Variants in CDH23 observed in about 807,000 individuals in gnomAD.
CDH23 encodes cadherin related 23, also known as cadherin-23.
A neutral mutation model predicts 317.1 loss-of-function variants in CDH23; 189 were observed. That is an observed-to-expected ratio of 0.60 (90% CI 0.53 to 0.67). The LOEUF is 0.67. Ranked by LOEUF, CDH23 falls within the 30% of genes least tolerant of loss-of-function variation. The pLI is 0.00. For missense variants in CDH23, 4,401 were observed against 4,592.4 expected, an observed-to-expected ratio of 0.96 and a Z score of 1.20; for synonymous variants, 1,839 against 1,876.8, an observed-to-expected ratio of 0.98 and a Z score of 0.52.
chr10:71,528,621 A>G (rs1251278109), intron 6 of CDH23, among the ~76,000 whole-genome samples: 2 of 152,266 alleles, frequency 1.3e-5, no homozygotes, highest in African/African-American at 4.8e-5. Context: ...CCAGCGCGAT[A>G]GGAGTGATTG....
chr10:71,692,362 C>T (rs75563817), intron 20 of CDH23, among the ~76,000 whole-genome samples: 2,975 of 152,308 alleles, frequency 0.02, 46 homozygotes, highest in Non-Finnish European at 0.033. Flanking sequence ...TGCCTTAACA[C>T]GACTTTGTCT....
rs567619520 is a variant in CDH23, at chr10:71,793,584, A to T, written c.6656A>T (p.Asp2219Val). 1.2e-6 allele frequency: 2 copies of T among 1,610,448 alleles called. No individual in the cohort carries two copies. Among genetic ancestry groups the T allele is most frequent in the East Asian group, 4.5e-5 (2 of 44,806 alleles). ...YHIVGIVAKD[D>V]TDRLVPNQED... The stretch of plus-strand genomic sequence containing the variant: ...ATTGTCGGCATTGTGGCCAAGGACG[A>T]CACTGATCGCCTGGTGCCCAACCAG... The change falls in exon 48 of 70, where the codon GAC becomes GTC. Residue 2219 changes from aspartate to valine, a missense_variant. Coordinates refer to ENST00000224721, the MANE Select transcript of CDH23 (RefSeq NM_022124.6).
intron 9 of CDH23, among the ~76,000 whole-genome samples, chr10:71,593,935 G>A (rs574032422): frequency 3.9e-5 from 6 of 152,244 alleles, no homozygotes; most frequent in Admixed American, 2.6e-4. Context: ...CCTGGGCAAC[G>A]GAGTAAGGCC....
chr10:71,415,416 C>G lies in CDH23; in HGVS notation c.-6+18098C>G, dbSNP rs116535201. Among the ~76,000 whole-genome samples, 426 of 152,272 alleles carry G rather than the reference C, an allele frequency of 2.8e-3. 2 individuals carry two copies. Among genetic ancestry groups the G allele is most frequent in the African/African-American group, 9.6e-3 (400 of 41,550 alleles). ...CCATCCGTCTCATTTTCTTTGTCAT[C>G]TTATTGATCACTGGATTAATCAATT... On this transcript the variant is annotated intron_variant, in intron 1 of 69. Transcript: ENST00000224721.
chr10:71,679,124 C>T (rs1262129529), intron 16 of CDH23, among the ~76,000 whole-genome samples: 1 of 152,146 alleles, frequency 6.6e-6, no homozygotes, highest in Non-Finnish European at 1.5e-5. Context: ...GCGCCTCCCA[C>T]CTGCCCTCTA....
chr10:71,741,987 G>A, intron 38 of CDH23, 66 bp downstream of exon 38: 1 of 1,252,476 alleles, frequency 8.0e-7, no homozygotes. Flanking sequence ...CCGAGTGAGG[G>A]GAACAAGATG....
chr10:71,728,410 C>T (rs1186308839), intron 30 of CDH23, among the ~76,000 whole-genome samples: 1 of 152,100 alleles, frequency 6.6e-6, no homozygotes, highest in Non-Finnish European at 1.5e-5. Flanking sequence ...GCCTCTCTGC[C>T]CCCAGCCCTG....
At chr10:71,742,301 C>T (rs1839758681) in intron 38 of CDH23, among the ~76,000 whole-genome samples, 1 of 152,206 alleles carries the variant, frequency 6.6e-6, no homozygotes, top group Non-Finnish European at 1.5e-5. Flanking sequence ...TGAGGTCACA[C>T]CAATGTGCAT....
At chr10:71,570,702 G>A (rs1857734924) in intron 7 of CDH23, 88 bp from the exon 8 acceptor site, 5 of 1,470,426 alleles carry the variant, frequency 3.4e-6, no homozygotes, top group Non-Finnish European at 4.6e-6. Flanking sequence ...GTGCTGCACG[G>A]TGCAGGTCTG....
chr10:71,617,313 G>A lies in CDH23; in HGVS notation c.1054G>A (p.Glu352Lys), dbSNP rs548207248. The A allele has an allele frequency of 3.0e-5, 49 of 1,613,938 alleles. No homozygotes were observed. The highest frequency in any genetic ancestry group is 2.0e-4 in the African/African-American group (15 of 75,022). The stretch of plus-strand genomic sequence containing the variant: ...CAATGCCCCGGAGTTCAACAGCTCC[G>A]AGTACAGCGTGGCCATCACTGAGCT... ...NDNAPEFNSSEYSVAITELAQ... is the reference protein window; with the variant it reads ...NDNAPEFNSSKYSVAITELAQ... The change falls in exon 11 of 70, where the codon GAG becomes AAG. Residue 352 changes from glutamate to lysine, a missense_variant. Glu to Lys is a moderately conservative substitution (Grantham distance 56). Around this residue, in one of 3 missense-constraint regions of CDH23, gnomAD observed 3,068 missense variants for 3,203.3 expected, o/e 0.96. Coordinates refer to ENST00000224721, the MANE Select transcript of CDH23 (RefSeq NM_022124.6).
At chr10:71,562,366 G>A (rs960736945) in intron 6 of CDH23, among the ~76,000 whole-genome samples, 3 of 152,220 alleles carry the variant, frequency 2.0e-5, no homozygotes, top group African/African-American at 4.8e-5. Flanking sequence ...GTCTGGAGAC[G>A]GTTAAAAAGA....
intron 18 of CDH23, among the ~76,000 whole-genome samples, chr10:71,683,457 C>T (rs987249319): frequency 3.3e-5 from 5 of 152,218 alleles, no homozygotes; most frequent in East Asian, 1.9e-4. Flanking sequence ...TGCCCACGCC[C>T]GGCCTTAACA....
chr10:71,657,043 G>A (rs991646944), intron 14 of CDH23, among the ~76,000 whole-genome samples: 1 of 152,200 alleles, frequency 6.6e-6, no homozygotes, highest in African/African-American at 2.4e-5. Flanking sequence ...CCCTCCTGCT[G>A]CTTCACCCTC....
At position 71,557,183 on chromosome 10, in the gene CDH23, T is replaced by C. The variant is rs552238795; in HGVS notation, c.430-9559T>C. 2.0e-5 allele frequency among the ~76,000 whole-genome samples: 3 copies of C among 152,378 alleles called. No homozygotes were observed. The South Asian group carries it at 6.2e-4, about 32-fold the overall frequency. On this transcript the variant is annotated intron_variant, in intron 6 of 69. Transcript: ENST00000224721. Reference sequence around the variant, plus strand: ...TGATTATGTAAATGTTATTCACAGCTGAGCCACATAATATACTGTAATTAT... The same window carrying C: ...TGATTATGTAAATGTTATTCACAGCCGAGCCACATAATATACTGTAATTAT...
chr10:71,446,013 G>T (rs762219824), intron 2 of CDH23, among the ~76,000 whole-genome samples: 1 of 152,094 alleles, frequency 6.6e-6, no homozygotes, highest in Non-Finnish European at 1.5e-5. Flanking sequence ...TCATACAGAG[G>T]CTTCTAAATC....
chr10:71,424,319 T>A (rs1470617897), intron 1 of CDH23, among the ~76,000 whole-genome samples: 1 of 152,224 alleles, frequency 6.6e-6, no homozygotes, highest in Non-Finnish European at 1.5e-5. Context: ...CAAAGCTCCT[T>A]CTGGTCAAGC....
At chr10:71,688,978 GTGGTGGAGTCAGGGA>G (rs2132700116) in intron 19 of CDH23, among the ~76,000 whole-genome samples, 4 of 19,394 alleles carry the variant, frequency 2.1e-4, no homozygotes, top group African/African-American at 3.6e-4. Flanking sequence ...GAGTCCAGGG[GTGGTGGAGTCAGGGA>G]TGGTGGAGCC....
At chr10:71,793,821 C>T (rs1050356372) in intron 48 of CDH23, among the ~76,000 whole-genome samples, 181 bp downstream of exon 48, 5 of 152,154 alleles carry the variant, frequency 3.3e-5, no homozygotes, top group African/African-American at 1.2e-4. Context: ...CCCTTGCTTT[C>T]TTTCTCTGCT....
rs763181641 is a variant in CDH23, at chr10:71,791,312, A to C, written c.6230A>C (p.His2077Pro). 1.2e-6 allele frequency: 2 copies of C among 1,613,724 alleles called. No homozygotes were observed. The highest frequency in any genetic ancestry group is 1.3e-5 in the African/African-American group (1 of 75,038). The change falls in exon 47 of 70, where the codon CAT becomes CCT. Residue 2077 changes from histidine (H) to proline (P), a missense_variant. By Grantham distance (77) the His-to-Pro change is moderately conservative (BLOSUM62 -2). This residue lies in a region of CDH23 where 3,068 missense variants were observed against 3,203.3 expected (regional missense o/e 0.96). Coordinates refer to ENST00000224721, the MANE Select transcript of CDH23 (RefSeq NM_022124.6). Reference sequence around the variant, plus strand: ...TTTAGCCCTGCCACCCTCACTGTCCATCTGCTAGAGAACTGCCCGCCTGGT... The same window carrying C: ...TTTAGCCCTGCCACCCTCACTGTCCCTCTGCTAGAGAACTGCCCGCCTGGT... ...PTFSPATLTV[H>P]LLENCPPGFS... is the part of the protein sequence containing the mutation.
Sources: allele counts gnomAD v4.1 joint callset (sites outside exome capture counted in the v4.1 genomes callset), GRCh38; gene constraint gnomAD v4.1.1; regional missense constraint gnomAD v4.1.1; transcripts MANE v1.5; gene names NCBI Gene and HGNC (gene_info 2026-07-23, HGNC 2026-07-21).